SLC22A24: variants seen among roughly 807,000 people sequenced by gnomAD.
SLC22A24 encodes steroid transmembrane transporter SLC22A24.
In SLC22A24, 53 loss-of-function variants were observed where a neutral mutation model predicts 49.8. The ratio of observed to expected loss-of-function variants is 1.06; its 90% CI spans 0.85 to 1.34. The LOEUF (loss-of-function observed/expected upper bound fraction) is 1.34. Among genes scored for constraint, SLC22A24 ranks in the 40% most tolerant of loss-of-function variants. The pLI, the probability that SLC22A24 is intolerant of heterozygous loss-of-function variation, is 0.00. For synonymous variants in SLC22A24, 302 were observed against 256.4 expected, an observed-to-expected ratio of 1.18 and a Z score of -1.70; for missense variants, 786 against 675.9, an observed-to-expected ratio of 1.16 and a Z score of -1.81.
In SLC22A24 at chr11:63,134,748, A is replaced by C; in HGVS notation, c.423T>G (p.Ser141=). ...ATTGAACCATTGATTTTAGTGACTG[A>C]GATTCACATACCAGGTCCCACTGGA... ...IVTEWDLVCE[S]QSLKSMVQSL... Residue 141 remains serine, a synonymous_variant, in exon 2 of 10, where the codon TCT becomes TCG. Coordinates refer to ENST00000612278, the MANE Select transcript of SLC22A24 (RefSeq NM_001136506.2). The C allele has an allele frequency of 6.4e-7, 1 of 1,572,614 alleles. No individual in the cohort carries two copies. Among genetic ancestry groups the C allele is most frequent in the South Asian group, 1.2e-5 (1 of 85,688 alleles).
chr11:63,106,887 C>A (rs2087125249), intron 4 of SLC22A24, among the ~76,000 whole-genome samples: 2 of 152,140 alleles, frequency 1.3e-5, no homozygotes. Context: ...GTTGCCTGTT[C>A]ACTCTGATGG....
In SLC22A24 at chr11:63,096,114, A is replaced by T. The variant is rs755351918; in HGVS notation, c.955-8T>A. 1 of 1,502,160 alleles carries T rather than the reference A, an allele frequency of 6.7e-7. No homozygotes were observed. The highest frequency in any genetic ancestry group is 9.1e-7 in the Non-Finnish European group (1 of 1,102,084). The allele number at this position is 1,502,160 out of a possible 1,614,324, so 93.1% of individuals were successfully genotyped here. ...CATGGTGGATCTCACAAGCTTCAGCAACAAAAATAACAACAAGCATTTGTG... is the reference window on the plus strand; with the variant it reads ...CATGGTGGATCTCACAAGCTTCAGCTACAAAAATAACAACAAGCATTTGTG... On this transcript the variant is annotated splice_polypyrimidine_tract_variant and splice_region_variant and intron_variant, in intron 5 of 9. Coordinates refer to ENST00000612278, the MANE Select transcript of SLC22A24 (RefSeq NM_001136506.2).
chr11:63,112,055 G>A (rs996952631), intron 4 of SLC22A24, among the ~76,000 whole-genome samples: 2 of 151,628 alleles, frequency 1.3e-5, no homozygotes, highest in African/African-American at 4.8e-5. Context: ...TTGTGTCTTT[G>A]GTCTCGTTGG....
At chr11:63,087,520 G>T (rs904173528) in intron 6 of SLC22A24, among the ~76,000 whole-genome samples, 4 of 152,196 alleles carry the variant, frequency 2.6e-5, no homozygotes, top group African/African-American at 9.6e-5. Flanking sequence ...TGGGCTAGCT[G>T]CAGCAGTATT....
chr11:63,103,221 A>G (rs1355418304), intron 5 of SLC22A24, among the ~76,000 whole-genome samples: 1 of 152,084 alleles, frequency 6.6e-6, no homozygotes, highest in Non-Finnish European at 1.5e-5. Context: ...CAGGACTGAC[A>G]TGTATTTATT....
At chr11:63,100,832 A>G (rs560626459) in intron 5 of SLC22A24, among the ~76,000 whole-genome samples, 16 of 152,258 alleles carry the variant, frequency 1.1e-4, no homozygotes, top group African/African-American at 3.6e-4. Flanking sequence ...AATGGTGCTG[A>G]GAAAACTGGA....
At chr11:63,108,523 T>C (rs553070725) in intron 4 of SLC22A24, among the ~76,000 whole-genome samples, 7 of 152,184 alleles carry the variant, frequency 4.6e-5, no homozygotes, top group African/African-American at 7.2e-5. Context: ...GCTCTCTTTG[T>C]ACCTCTGGTA....
chr11:63,112,663 AT>A (rs1185560562), intron 4 of SLC22A24, among the ~76,000 whole-genome samples: 1 of 151,772 alleles, frequency 6.6e-6, no homozygotes. Context: ...TAGATTTTGA[AT>A]TTGTTTGCTC....
chr11:63,124,082 G>A, intron 2 of SLC22A24, among the ~76,000 whole-genome samples: 1 of 152,052 alleles, frequency 6.6e-6, no homozygotes. Flanking sequence ...GCTATGTGCA[G>A]AAAAAAGAAT....
rs116782537 is a variant in SLC22A24, at chr11:63,137,073, G to A, written c.403-2305C>T. On this transcript the variant is annotated intron_variant, in intron 1 of 9. Transcript: ENST00000612278. ...GTGGGATGTCTGTAGCCCCATTGCA[G>A]GGTGTCTGTTTGTAGCTCCACCACA... 3.2e-3 allele frequency among the ~76,000 whole-genome samples: 489 copies of A among 152,170 alleles called. 4 individuals carry two copies. The highest frequency in any genetic ancestry group is 0.011 in the African/African-American group (456 of 41,524).
intron 2 of SLC22A24, among the ~76,000 whole-genome samples, chr11:63,129,819 A>G (rs1590748559): frequency 6.6e-6 from 1 of 152,166 alleles, no homozygotes; most frequent in Non-Finnish European, 1.5e-5. Context: ...ATTTTTCCAC[A>G]TTAATTTTTT....
intron 1 of SLC22A24, among the ~76,000 whole-genome samples, chr11:63,135,983 C>G (rs1028346126): frequency 6.6e-6 from 1 of 152,138 alleles, no homozygotes; most frequent in African/African-American, 2.4e-5. Flanking sequence ...AAGAACTCAG[C>G]GTTGACCATT....
At chr11:63,114,858 GA>G (rs2087200343) in intron 4 of SLC22A24, among the ~76,000 whole-genome samples, 1 of 152,208 alleles carries the variant, frequency 6.6e-6, no homozygotes, top group African/African-American at 2.4e-5. Flanking sequence ...GTCCACTCCA[GA>G]CCCTGTTTGC....
chr11:63,115,023 G>A (rs1197819103), intron 4 of SLC22A24, among the ~76,000 whole-genome samples: 2 of 152,188 alleles, frequency 1.3e-5, no homozygotes, highest in Non-Finnish European at 2.9e-5. Flanking sequence ...AGGGTTCAGG[G>A]ACCCACTTGA....
chr11:63,118,943 T>C lies in SLC22A24; in HGVS notation c.799A>G (p.Thr267Ala), dbSNP rs1271981022. ...GACAAGAAGAGGACAATTATGGGTG[T>C]AGACACAGTCAGTTGCAATATGTGC... ...DWHILQLTVS[T>A]PIIVLFLSSW... Residue 267 changes from threonine to alanine, a missense_variant, in exon 4 of 10, where the codon ACA becomes GCA. Coordinates refer to ENST00000612278, the MANE Select transcript of SLC22A24 (RefSeq NM_001136506.2). The C allele has an allele frequency of 1.9e-6, 3 of 1,551,942 alleles. No individual in the cohort carries two copies. Among genetic ancestry groups the C allele is most frequent in the Non-Finnish European group, 2.6e-6 (3 of 1,147,054 alleles).
chr11:63,130,811 A>G (rs11518687), intron 2 of SLC22A24, among the ~76,000 whole-genome samples: 41,513 of 151,622 alleles, frequency 0.27, 6,802 homozygotes, highest in African/African-American at 0.46. Context: ...CTGTGGGATC[A>G]GTGGTGCTGG....
intron 2 of SLC22A24, among the ~76,000 whole-genome samples, chr11:63,122,883 C>T (rs2087261969): frequency 6.6e-6 from 1 of 152,022 alleles, no homozygotes; most frequent in Admixed American, 6.6e-5. Flanking sequence ...AGTGATGTTT[C>T]AATACTTATA....
intron 2 of SLC22A24, among the ~76,000 whole-genome samples, chr11:63,128,118 A>G (rs1053786963): frequency 2.6e-5 from 4 of 151,992 alleles, no homozygotes; most frequent in Non-Finnish European, 5.9e-5. Context: ...ATTAATCATT[A>G]GTTTGTAGCA....
At chr11:63,085,260 C>A (rs114550799) in intron 6 of SLC22A24, among the ~76,000 whole-genome samples, 1 of 151,822 alleles carries the variant, frequency 6.6e-6, no homozygotes, top group East Asian at 1.9e-4. Context: ...AATGTAGCAA[C>A]GTATAATGAA....
Sources: allele counts gnomAD v4.1 joint callset (sites outside exome capture counted in the v4.1 genomes callset), GRCh38; gene constraint gnomAD v4.1.1; transcripts MANE v1.5; gene names NCBI Gene and HGNC (gene_info 2026-07-23, HGNC 2026-07-21).